The following C5orf58 variants were observed in gnomAD, a reference collection of about 807,000 sequenced individuals.
C5orf58 encodes putative uncharacterized protein C5orf58.
Under a neutral mutation model 2.9 loss-of-function variants are expected in C5orf58, and 2 were observed. The ratio of observed to expected loss-of-function variants is 0.69; its 90% CI spans 0.28 to 2.18. The LOEUF is 2.18. Among genes scored for constraint, C5orf58 ranks in the 30% most tolerant of loss-of-function variants. The pLI is 0.13. For missense variants in C5orf58, 96 were observed against 91.7 expected, an observed-to-expected ratio of 1.05 and a Z score of -0.19; for synonymous variants, 37 against 33.4, an observed-to-expected ratio of 1.11 and a Z score of -0.37.
chr5:170,236,566 TAA>T (rs1760748464), intron 3 of C5orf58, among the ~76,000 whole-genome samples: 1 of 152,234 alleles, frequency 6.6e-6, no homozygotes, highest in Non-Finnish European at 1.5e-5. Context: ...GTCCTCAGGA[TAA>T]AGTCTAAACA....
intron 2 of C5orf58, among the ~76,000 whole-genome samples, chr5:170,234,772 C>G (rs547137251): frequency 6.6e-6 from 1 of 152,328 alleles, no homozygotes; most frequent in African/African-American, 2.4e-5. Context: ...CCTCATCCTA[C>G]AAATTCCAGT....
At chr5:170,245,175 A>G (rs1158786889) in intron 3 of C5orf58, among the ~76,000 whole-genome samples, 1 of 152,124 alleles carries the variant, frequency 6.6e-6, no homozygotes, top group East Asian at 1.9e-4. Context: ...GCTCTCTTCA[A>G]AGCTGTCAGA....
chr5:170,245,519 G>A (rs1163588584), intron 3 of C5orf58, among the ~76,000 whole-genome samples: 1 of 152,204 alleles, frequency 6.6e-6, no homozygotes, highest in East Asian at 1.9e-4. Flanking sequence ...ATATTCAGGT[G>A]GGAGTGACCC....
intron 2 of C5orf58, 160 bp from the exon 3 acceptor site, chr5:170,234,817 A>G: frequency 2.1e-6 from 1 of 469,118 alleles, no homozygotes; most frequent in South Asian, 3.0e-5. Context: ...TACATAACAC[A>G]TTAATGCCTT....
At chr5:170,234,909 T>C (rs1216134081) in intron 2 of C5orf58, 68 bp from the exon 3 acceptor site, 1 of 622,500 alleles carries the variant, frequency 1.6e-6, no homozygotes, top group African/African-American at 1.9e-5. Flanking sequence ...ATACTGAAAA[T>C]GTAAGTATTT....
downstream of C5orf58, among the ~76,000 whole-genome samples, chr5:170,250,378 T>C (rs1485059336): frequency 6.6e-6 from 1 of 152,212 alleles, no homozygotes; most frequent in African/African-American, 2.4e-5. Context: ...CCAGGTGGTG[T>C]CAACTTAAAA....
chr5:170,250,810 C>T (rs747375090), downstream of C5orf58: 57 of 1,611,650 alleles, frequency 3.5e-5, no homozygotes, highest in East Asian at 1.2e-3. Flanking sequence ...TAAACTTTAT[C>T]TTTGTACAAC....
At chr5:170,234,931 A>G (rs1266928833) in intron 2 of C5orf58, 46 bp from the exon 3 acceptor site, 7 of 845,428 alleles carry the variant, frequency 8.3e-6, no homozygotes, top group Middle Eastern at 2.6e-4. Flanking sequence ...AAAAGTACAC[A>G]TAAATACTGA....
At chr5:170,239,370 G>C (rs550816885) in intron 3 of C5orf58, among the ~76,000 whole-genome samples, 2 of 150,802 alleles carry the variant, frequency 1.3e-5, no homozygotes, top group Admixed American at 6.6e-5. Flanking sequence ...TTAATCTTCT[G>C]TGTCAGAGGC....
rs201083185 is a variant in C5orf58, at chr5:170,237,895, G to GT, written c.94+2833dup. 7.4e-3 allele frequency among the ~76,000 whole-genome samples: 1,124 copies of GT among 152,096 alleles called. 18 individuals are homozygous for GT. Among genetic ancestry groups the GT allele is most frequent in the African/African-American group, 0.026 (1,083 of 41,492 alleles). On this transcript the variant is annotated intron_variant, in intron 3 of 3. Coordinates refer to ENST00000593851, the MANE Select transcript of C5orf58 (RefSeq NM_001102609.3). ...TACTTACAAAATTACAAGACCCCCA[G>GT]TTTTTTTTCCTTCACTGGGCTACCA...
chr5:170,252,445 T>C, downstream of C5orf58: 1 of 1,568,442 alleles, frequency 6.4e-7, no homozygotes, highest in South Asian at 1.1e-5. Flanking sequence ...TGGTTTATCT[T>C]TCTAAGAGCA....
chr5:170,251,030 C>T (rs1056884897), downstream of C5orf58: 12 of 610,616 alleles, frequency 2.0e-5, no homozygotes, highest in African/African-American at 1.1e-4. Context: ...TGTCATTCAA[C>T]GAACATTCAG....
chr5:170,241,606 G>C (rs201095257), intron 3 of C5orf58, among the ~76,000 whole-genome samples: 1 of 151,248 alleles, frequency 6.6e-6, no homozygotes, highest in African/African-American at 2.5e-5. Context: ...AAGAATGCTT[G>C]TGATTTTCGT....
chr5:170,252,540 T>G, downstream of C5orf58: 1 of 1,167,952 alleles, frequency 8.6e-7, no homozygotes, highest in Non-Finnish European at 1.3e-6. Flanking sequence ...AGAAACTGAA[T>G]AAATTTTACA....
intron 3 of C5orf58, among the ~76,000 whole-genome samples, chr5:170,240,990 A>T (rs200157066): frequency 1.3e-5 from 2 of 149,178 alleles, no homozygotes; most frequent in Non-Finnish European, 1.5e-5. Context: ...AGCTTTCTAC[A>T]TATGGCTAGC....
At chr5:170,235,164 GC>G (rs1452624962) in intron 3 of C5orf58, 94 bp downstream of exon 3, 10 of 661,348 alleles carry the variant, frequency 1.5e-5, no homozygotes, top group Non-Finnish European at 2.6e-5. Context: ...AGTAAATTTT[GC>G]CCACTAATTA....
chr5:170,234,021 G>A (rs908258146), intron 1 of C5orf58, 94 bp from the exon 2 acceptor site: 2 of 584,196 alleles, frequency 3.4e-6, no homozygotes, highest in Middle Eastern at 3.2e-4. Flanking sequence ...CTCTTGGTTT[G>A]GCATGCCCAA....
intron 3 of C5orf58, among the ~76,000 whole-genome samples, chr5:170,243,687 G>A (rs1003130994): frequency 1.3e-5 from 2 of 149,650 alleles, no homozygotes; most frequent in African/African-American, 4.9e-5. Context: ...CACGTGAGAT[G>A]GGTTTCCTGA....
intron 3 of C5orf58, among the ~76,000 whole-genome samples, chr5:170,240,030 G>C (rs971324979): frequency 2.0e-5 from 3 of 150,682 alleles, no homozygotes; most frequent in Admixed American, 1.3e-4. Flanking sequence ...GCGGTGTTTG[G>C]TTTTTTGTTC....
Sources: allele counts gnomAD v4.1 joint callset (sites outside exome capture counted in the v4.1 genomes callset), GRCh38; gene constraint gnomAD v4.1.1; transcripts MANE v1.5; gene names NCBI Gene and HGNC (gene_info 2026-07-23, HGNC 2026-07-21).